Variants in MARCHF3 observed in about 807,000 individuals in gnomAD.
The protein encoded by MARCHF3 is E3 ubiquitin-protein ligase MARCHF3.
In MARCHF3, 13 loss-of-function variants were observed where a neutral mutation model predicts 24.2. The observed-to-expected ratio is 0.54, with a 90% CI of 0.35 to 0.85. The LOEUF is 0.85. Among genes scored for constraint, MARCHF3 ranks in the 40% least tolerant of loss-of-function variants. MARCHF3 has a pLI of 0.01. For missense variants in MARCHF3, 276 were observed against 325.0 expected, an observed-to-expected ratio of 0.85 and a Z score of 1.16; for synonymous variants, 144 against 137.3, an observed-to-expected ratio of 1.05 and a Z score of -0.34.
At chr5:126,915,196 C>A (rs1056169609) in intron 2 of MARCHF3, 62 bp from the exon 3 acceptor site, 52 of 1,530,900 alleles carry the variant, frequency 3.4e-5, no homozygotes, top group Non-Finnish European at 4.5e-5. Flanking sequence ...AAGTGGATGG[C>A]CCTCTAGCTC....
chr5:126,996,687 C>T (rs1162747684), intron 1 of MARCHF3, among the ~76,000 whole-genome samples: 2 of 151,712 alleles, frequency 1.3e-5, no homozygotes, highest in Non-Finnish European at 2.9e-5. Flanking sequence ...TGCAGGAGAA[C>T]CATCAGTGTA....
chr5:127,014,936 T>C lies in MARCHF3; in HGVS notation c.-57+15414A>G, dbSNP rs940070490. Among the ~76,000 whole-genome samples, 26 of 152,152 alleles carry C rather than the reference T, an allele frequency of 1.7e-4. 1 individual carries two copies. The highest frequency in any genetic ancestry group is 1.4e-3 in the Admixed American group (21 of 15,264). ...ACTGCAGAATGACTATAGTTAACAA[T>C]GATATATTATATAGTTTCAGATAGC... On this transcript the variant is annotated intron_variant, in intron 1 of 4. Coordinates refer to ENST00000308660, the MANE Select transcript of MARCHF3 (RefSeq NM_178450.5).
intron 1 of MARCHF3, among the ~76,000 whole-genome samples, chr5:127,005,310 A>G (rs1050970438): frequency 6.6e-6 from 1 of 151,736 alleles, no homozygotes; most frequent in Non-Finnish European, 1.5e-5. Flanking sequence ...TAATTTTTAT[A>G]TTTTTAGTAG....
At chr5:127,000,227 A>C (rs1752082926) in intron 1 of MARCHF3, among the ~76,000 whole-genome samples, 1 of 152,036 alleles carries the variant, frequency 6.6e-6, no homozygotes, top group African/African-American at 2.4e-5. Context: ...AGCCTCAATA[A>C]AAATCTTTTG....
At chr5:126,983,032 A>T (rs925400906) in intron 1 of MARCHF3, among the ~76,000 whole-genome samples, 5 of 152,154 alleles carry the variant, frequency 3.3e-5, no homozygotes, top group Non-Finnish European at 2.9e-5. Flanking sequence ...CTTAAAAGAT[A>T]GGAGAAGCAG....
chr5:126,969,272 A>G (rs1445408483), intron 1 of MARCHF3, among the ~76,000 whole-genome samples: 1 of 152,172 alleles, frequency 6.6e-6, no homozygotes, highest in Non-Finnish European at 1.5e-5. Context: ...AATTTTACCC[A>G]ACATATATAT....
At chr5:127,003,328 G>C (rs191849671) in intron 1 of MARCHF3, among the ~76,000 whole-genome samples, 1 of 150,122 alleles carries the variant, frequency 6.7e-6, no homozygotes, top group Non-Finnish European at 1.5e-5. Context: ...TTAGCCGGGC[G>C]TGGTGGTGGG....
intron 2 of MARCHF3, 134 bp downstream of exon 2, chr5:126,917,846 CTTTT>C (rs36120055): frequency 5.1e-5 from 35 of 683,596 alleles, no homozygotes; most frequent in African/African-American, 4.0e-4. Flanking sequence ...CTCGTGTAGT[CTTTT>C]TTTTTTTTTT....
intron 3 of MARCHF3, among the ~76,000 whole-genome samples, chr5:126,885,362 GT>G (rs1182647133): frequency 1.3e-5 from 2 of 152,180 alleles, no homozygotes; most frequent in Admixed American, 1.3e-4. Context: ...GAGGGCAGGA[GT>G]TTGAGACCAG....
intron 1 of MARCHF3, among the ~76,000 whole-genome samples, chr5:126,942,233 G>A (rs1749853834): frequency 6.6e-6 from 1 of 152,122 alleles, no homozygotes; most frequent in South Asian, 2.1e-4. Context: ...AGTTATTCTA[G>A]GTCAGGAGTC....
chr5:126,941,454 G>GA (rs11288501), intron 1 of MARCHF3, among the ~76,000 whole-genome samples: 11 of 148,452 alleles, frequency 7.4e-5, no homozygotes, highest in African/African-American at 1.2e-4. Flanking sequence ...GTGATAAATA[G>GA]AAAAAAAAAA....
intron 1 of MARCHF3, among the ~76,000 whole-genome samples, chr5:126,961,377 T>C (rs1326618784): frequency 6.6e-6 from 1 of 152,144 alleles, no homozygotes; most frequent in Non-Finnish European, 1.5e-5. Context: ...ATTTGGGGTG[T>C]TCAATCCCCA....
intron 1 of MARCHF3, among the ~76,000 whole-genome samples, chr5:126,993,631 G>A (rs777969330): frequency 2.0e-5 from 3 of 152,030 alleles, no homozygotes; most frequent in Non-Finnish European, 2.9e-5. Flanking sequence ...TGAATATCAG[G>A]GCAGACTCTT....
At position 126,922,512 on chromosome 5, in the gene MARCHF3, T is replaced by TTTTTTTTATTTA. The variant is rs1554065915; in HGVS notation, c.-56-4286_-56-4285insTAAATAAAAAAA. On this transcript the variant is annotated intron_variant, in intron 1 of 4. Transcript: ENST00000308660. ...GCCTGGGCTACATCTCATTTCTGTC[T>TTTTTTTTATTTA]TTTATTTATTTATTTATTTATTTAT... Among the ~76,000 whole-genome samples, 8 of 142,876 alleles carry TTTTTTTTATTTA rather than the reference T, an allele frequency of 5.6e-5. No individual in the cohort carries two copies. In the East Asian group the frequency reaches 1.4e-3, roughly 26 times the overall value. The allele number at this position is 142,876 out of a possible 152,430, so 93.7% of individuals were successfully genotyped here.
Position 126,897,085 on chromosome 5 carries a change from A to G in MARCHF3, c.393+17845T>C, listed in dbSNP as rs1238128004. Among the ~76,000 whole-genome samples, 3 of 111,324 alleles carry G rather than the reference A, an allele frequency of 2.7e-5. No homozygotes were observed. In the East Asian group the frequency reaches 8.6e-4, roughly 32 times the overall value. The allele number at this position is 111,324 out of a possible 152,430, so 73.0% of individuals were successfully genotyped here. A position where few individuals can be genotyped will look rare whatever the true frequency, so the allele number is the denominator to read the frequency against. On this transcript the variant is annotated intron_variant, in intron 3 of 4. Coordinates refer to ENST00000308660, the MANE Select transcript of MARCHF3 (RefSeq NM_178450.5). ...ATGGAGTTTCACTTTTGTTGCCTGG[A>G]CTGGAGTGCAATGGCACAATCTCGG...
chr5:126,868,803 T>G lies in MARCHF3; in HGVS notation c.*1830A>C, dbSNP rs1752853008. On this transcript the variant is annotated 3_prime_UTR_variant, in exon 5 of 5. Transcript: ENST00000308660. ...TTCACCAGCTACCAAGTTGGACTCT[T>G]TGCTCTGGAAATTTAATGTGTGGCA... is the stretch of plus-strand genomic sequence containing the variant. 1 of 152,198 alleles carries G rather than the reference T, an allele frequency of 6.6e-6. No individual in the cohort carries two copies. The highest frequency in any genetic ancestry group is 2.4e-5 in the African/African-American group (1 of 41,438). 9.4% of individuals were successfully genotyped at this position (152,198 alleles called of 1,614,324 possible). A position where few individuals can be genotyped will look rare whatever the true frequency, so the allele number is the denominator to read the frequency against.
At chr5:126,885,126 C>G (rs1435093468) in intron 3 of MARCHF3, among the ~76,000 whole-genome samples, 1 of 152,204 alleles carries the variant, frequency 6.6e-6, no homozygotes, top group Admixed American at 6.5e-5. Context: ...TTTTCAAGAG[C>G]ACACAACACT....
chr5:126,940,514 C>T (rs554705430), intron 1 of MARCHF3, among the ~76,000 whole-genome samples: 5 of 152,000 alleles, frequency 3.3e-5, no homozygotes, highest in African/African-American at 1.2e-4. Flanking sequence ...GTGGTGTGAT[C>T]CCAGCTCACT....
intron 1 of MARCHF3, among the ~76,000 whole-genome samples, chr5:126,922,229 G>T (rs1232056092): frequency 1.3e-5 from 2 of 152,052 alleles, no homozygotes; most frequent in African/African-American, 4.8e-5. Context: ...AAGCTCTGTT[G>T]TTGGAGGCAC....
Sources: gnomAD v4.1 joint callset for allele counts (sites outside exome capture counted in the v4.1 genomes callset) on GRCh38, gnomAD v4.1.1 for gene constraint, MANE v1.5 for transcripts, NCBI Gene and HGNC (gene_info 2026-07-23, HGNC 2026-07-21) for gene names.